Variants in IL1RAPL2 observed in about 807,000 individuals in gnomAD.
IL1RAPL2 encodes the protein X-linked interleukin-1 receptor accessory protein-like 2.
IL1RAPL2 carries 3 observed loss-of-function variants against 44.1 expected under a neutral mutation model. That is an observed-to-expected ratio of 0.07 (90% CI 0.03 to 0.18). IL1RAPL2 has a LOEUF of 0.18. IL1RAPL2 is among the 10% of genes least tolerant of loss of function. IL1RAPL2 has a pLI of 1.00. For missense variants in IL1RAPL2, 391 were observed against 496.4 expected, an observed-to-expected ratio of 0.79 and a Z score of 2.02; for synonymous variants, 181 against 178.8, an observed-to-expected ratio of 1.01 and a Z score of -0.10.
intron 2 of IL1RAPL2, among the ~76,000 whole-genome samples, chrX:104,707,386 C>A (rs1418705646): frequency 1.8e-5 from 2 of 111,511 alleles, no homozygotes; most frequent in Non-Finnish European, 3.8e-5. Context: ...GTCTATTTGG[C>A]CAGAAAACCT....
chrX:105,561,067 G>A (rs1401127272), intron 6 of IL1RAPL2, among the ~76,000 whole-genome samples: 1 of 111,302 alleles, frequency 9.0e-6, no homozygotes, highest in Admixed American at 9.6e-5. Flanking sequence ...CCTAAACCAA[G>A]TCAGTTTTAG....
intron 2 of IL1RAPL2, among the ~76,000 whole-genome samples, chrX:104,766,696 A>G (rs944206649): frequency 2.7e-5 from 3 of 112,295 alleles, no homozygotes; most frequent in Non-Finnish European, 5.6e-5. Context: ...CAGCTAGTAA[A>G]TGGTGTAGCC....
intron 2 of IL1RAPL2, among the ~76,000 whole-genome samples, chrX:105,158,620 T>C (rs898177319): frequency 8.9e-6 from 1 of 112,410 alleles, no homozygotes; most frequent in Non-Finnish European, 1.9e-5. Flanking sequence ...ATCTTTGCCA[T>C]TGCTACCTTG....
chrX:105,052,230 C>CT (rs2031937242), intron 2 of IL1RAPL2, among the ~76,000 whole-genome samples: 1 of 111,833 alleles, frequency 8.9e-6, no homozygotes, highest in Non-Finnish European at 1.9e-5. Context: ...TGTCTGCATT[C>CT]TACCCAGCAA....
intron 2 of IL1RAPL2, among the ~76,000 whole-genome samples, chrX:104,868,799 C>T (rs1309512557): frequency 8.9e-6 from 1 of 112,058 alleles, no homozygotes; most frequent in Non-Finnish European, 1.9e-5. Flanking sequence ...CCTTGCACAG[C>T]TCTGAATACT....
chrX:104,904,713 T>A (rs867676994), intron 2 of IL1RAPL2, among the ~76,000 whole-genome samples: 3 of 110,005 alleles, frequency 2.7e-5, no homozygotes, highest in African/African-American at 9.9e-5. Context: ...TGTTGGACAT[T>A]TGGGTTGGTT....
intron 2 of IL1RAPL2, among the ~76,000 whole-genome samples, chrX:105,031,195 A>T (rs2031486267): frequency 9.1e-6 from 1 of 109,706 alleles, no homozygotes; most frequent in African/African-American, 3.3e-5. Flanking sequence ...GCAAACAGGG[A>T]CAATTTGACT....
intron 2 of IL1RAPL2, among the ~76,000 whole-genome samples, chrX:104,721,155 TTGAC>T (rs779347612): frequency 5.4e-5 from 6 of 111,509 alleles, no homozygotes; most frequent in East Asian, 2.8e-4. Flanking sequence ...GGAATACTAT[TTGAC>T]TGAGCAATCC....
intron 6 of IL1RAPL2, among the ~76,000 whole-genome samples, chrX:105,509,705 A>C (rs2036455870): frequency 9.0e-6 from 1 of 111,408 alleles, no homozygotes; most frequent in Non-Finnish European, 1.9e-5. Flanking sequence ...ACTTGACCTT[A>C]TTAGCACTGG....
chrX:105,325,615 A>C (rs974412537), intron 5 of IL1RAPL2, among the ~76,000 whole-genome samples: 1 of 103,110 alleles, frequency 9.7e-6, no homozygotes, highest in East Asian at 3.0e-4. Flanking sequence ...GCTAGGTAAT[A>C]TGACAGCTCT....
At chrX:104,864,887 C>A (rs1053565188) in intron 2 of IL1RAPL2, among the ~76,000 whole-genome samples, 1 of 110,729 alleles carries the variant, frequency 9.0e-6, no homozygotes, top group African/African-American at 3.3e-5. Flanking sequence ...CCAGAGGGAC[C>A]CAGAATGTCA....
At chrX:105,125,861 G>A (rs758681110) in intron 2 of IL1RAPL2, among the ~76,000 whole-genome samples, 203 of 110,230 alleles carry the variant, frequency 1.8e-3, no homozygotes, top group Non-Finnish European at 3.3e-3. Context: ...TATACTGAGG[G>A]AAAACTGTAC....
chrX:105,333,648 A>G (rs1485005103), intron 5 of IL1RAPL2, among the ~76,000 whole-genome samples: 1 of 111,852 alleles, frequency 8.9e-6, no homozygotes, highest in African/African-American at 3.2e-5. Context: ...AATATATAAC[A>G]AGTTCAAACA....
intron 2 of IL1RAPL2, among the ~76,000 whole-genome samples, chrX:104,924,720 G>A (rs1007825473): frequency 9.0e-6 from 1 of 111,092 alleles, no homozygotes; most frequent in African/African-American, 3.3e-5. Context: ...AAAGTTTATA[G>A]TATTAAATGC....
intron 8 of IL1RAPL2, among the ~76,000 whole-genome samples, chrX:105,747,551 CAT>C (rs2038559896): frequency 2.2e-5 from 2 of 90,609 alleles, no homozygotes; most frequent in South Asian, 5.8e-4. Context: ...CACACACACA[CAT>C]ATATACACAC....
chrX:105,273,389 T>A (rs892118834), intron 5 of IL1RAPL2, among the ~76,000 whole-genome samples: 1 of 111,384 alleles, frequency 9.0e-6, no homozygotes, highest in African/African-American at 3.3e-5. Flanking sequence ...CCAAAGCAGG[T>A]CATAGAAACC....
chrX:104,857,788 T>A (rs975293), intron 2 of IL1RAPL2, among the ~76,000 whole-genome samples: 40,074 of 109,526 alleles, frequency 0.37, 5,793 homozygotes, highest in East Asian at 0.46. Context: ...CTCAGATTAA[T>A]CAGCGCTGCC....
Position 105,176,087 on chromosome X carries a change from C to T in IL1RAPL2, c.83-19388C>T, listed in dbSNP as rs1216564301. ...AATAGAAACTTTCCTGGTAGTACTT[C>T]CTGGTTAACTAATATTATAATATTA... On this transcript the variant is annotated intron_variant, in intron 2 of 10. Coordinates refer to ENST00000372582, the MANE Select transcript of IL1RAPL2 (RefSeq NM_017416.2). 4.5e-5 allele frequency among the ~76,000 whole-genome samples: 5 copies of T among 110,799 alleles called. No homozygotes were observed. The South Asian group carries it at 1.9e-3, about 42-fold the overall frequency.
intron 2 of IL1RAPL2, among the ~76,000 whole-genome samples, chrX:105,185,487 C>T (rs2033576097): frequency 8.9e-6 from 1 of 111,919 alleles, no homozygotes; most frequent in African/African-American, 3.3e-5. Context: ...AACTCACCAA[C>T]TCAGATAATC....
Sources: allele counts gnomAD v4.1 joint callset (sites outside exome capture counted in the v4.1 genomes callset), GRCh38; gene constraint gnomAD v4.1.1; transcripts MANE v1.5; gene names NCBI Gene and HGNC (gene_info 2026-07-23, HGNC 2026-07-21).